The following NLGN1 variants were observed in gnomAD, a reference collection of about 807,000 sequenced individuals.
NLGN1 encodes the protein neuroligin 1.
Under a neutral mutation model 65.5 loss-of-function variants are expected in NLGN1, and 12 were observed. That is an observed-to-expected ratio of 0.18 (90% confidence interval 0.12 to 0.30). NLGN1 has a LOEUF of 0.30. Ranked by LOEUF, NLGN1 falls within the 10% of genes least tolerant of loss-of-function variation. The pLI, the probability that NLGN1 is intolerant of heterozygous loss-of-function variation, is 1.00. For synonymous variants in NLGN1, 350 were observed against 359.5 expected (o/e 0.97, Z 0.30); for missense variants, 750 against 1,007.1 (o/e 0.74, Z 3.46).
intron 3 of NLGN1, among the ~76,000 whole-genome samples, chr3:173,729,810 A>G (rs1772468916): frequency 6.6e-6 from 1 of 152,090 alleles, no homozygotes; most frequent in East Asian, 1.9e-4. Flanking sequence ...GGACCCATAC[A>G]TTGGTGGTTC....
chr3:173,859,507 G>T (rs571799197), intron 4 of NLGN1, among the ~76,000 whole-genome samples: 1 of 151,976 alleles, frequency 6.6e-6, no homozygotes, highest in Non-Finnish European at 1.5e-5. Context: ...TATTTGTAAG[G>T]GCCCTATTTC....
chr3:174,224,089 T>C (rs1225134019), intron 4 of NLGN1, among the ~76,000 whole-genome samples: 2 of 152,234 alleles, frequency 1.3e-5, no homozygotes, highest in Non-Finnish European at 2.9e-5. Flanking sequence ...GTCCATCTTC[T>C]ATACTGGTAT....
intron 3 of NLGN1, among the ~76,000 whole-genome samples, chr3:173,614,838 C>T (rs562675438): frequency 6.6e-6 from 1 of 152,188 alleles, no homozygotes; most frequent in East Asian, 1.9e-4. Flanking sequence ...TCCTTGATTT[C>T]TTTCTTCCAG....
intron 4 of NLGN1, among the ~76,000 whole-genome samples, chr3:174,080,784 T>C (rs1350120123): frequency 6.6e-6 from 1 of 152,008 alleles, no homozygotes; most frequent in African/African-American, 2.4e-5. Flanking sequence ...TTATTTGTTT[T>C]GTTTTGCTTT....
chr3:174,180,170 A>G (rs1219081205), intron 4 of NLGN1, among the ~76,000 whole-genome samples: 4 of 152,204 alleles, frequency 2.6e-5, no homozygotes, highest in Non-Finnish European at 5.9e-5. Context: ...ATTAAACACA[A>G]TACAAAAGTG....
Position 173,462,975 on chromosome 3 carries a change from C to T in NLGN1, c.-321+27897C>T, listed in dbSNP as rs191078498. On this transcript the variant is annotated intron_variant, in intron 2 of 6. Coordinates refer to ENST00000457714, the Ensembl canonical transcript of NLGN1. ...TTCAGTCACTCACTTTTTAATTCCTCACATCTTTCTTGAGGATTATTTGTA... is the reference window on the plus strand; with the variant it reads ...TTCAGTCACTCACTTTTTAATTCCTTACATCTTTCTTGAGGATTATTTGTA... Among the ~76,000 whole-genome samples the T allele has an allele frequency of 2.5e-3, 377 of 152,270 alleles. 2 individuals are homozygous for T. Among genetic ancestry groups the T allele is most frequent in the African/African-American group, 8.7e-3 (360 of 41,566 alleles).
At chr3:173,552,441 A>G (rs2149268291) in intron 2 of NLGN1, among the ~76,000 whole-genome samples, 1 of 152,188 alleles carries the variant, frequency 6.6e-6, no homozygotes, top group Non-Finnish European at 1.5e-5. Context: ...TTTCCTACAA[A>G]TTTGAGGTTG....
chr3:173,898,130 A>G (rs1052224824), intron 4 of NLGN1, among the ~76,000 whole-genome samples: 1 of 152,212 alleles, frequency 6.6e-6, no homozygotes, highest in Non-Finnish European at 1.5e-5. Context: ...TATTACTTGT[A>G]ACAATTCTAA....
At chr3:173,855,717 G>T (rs565576494) in intron 4 of NLGN1, among the ~76,000 whole-genome samples, 1 of 152,286 alleles carries the variant, frequency 6.6e-6, no homozygotes, top group South Asian at 2.1e-4. Flanking sequence ...ATTTCAAATA[G>T]TTCTGTAACT....
intron 3 of NLGN1, among the ~76,000 whole-genome samples, chr3:173,804,421 A>C (rs751934945): frequency 1.3e-5 from 2 of 152,106 alleles, no homozygotes; most frequent in Non-Finnish European, 2.9e-5. Context: ...TAAATATGTA[A>C]AGGTTTAAAG....
At chr3:173,598,227 A>T (rs1406650455) in intron 2 of NLGN1, among the ~76,000 whole-genome samples, 1 of 152,202 alleles carries the variant, frequency 6.6e-6, no homozygotes, top group Non-Finnish European at 1.5e-5. Flanking sequence ...ATTAATAAAA[A>T]CAAAGTGCTA....
intron 4 of NLGN1, among the ~76,000 whole-genome samples, chr3:173,941,296 C>T (rs1207472751): frequency 6.6e-6 from 1 of 151,996 alleles, no homozygotes; most frequent in Non-Finnish European, 1.5e-5. Context: ...TTTCACAACA[C>T]GTGACAAACA....
At chr3:173,606,803 A>C (rs1751470704) in intron 3 of NLGN1, among the ~76,000 whole-genome samples, 1 of 152,014 alleles carries the variant, frequency 6.6e-6, no homozygotes, top group South Asian at 2.1e-4. Flanking sequence ...TTAAAAGCAC[A>C]CTATACTTAA....
intron 2 of NLGN1, among the ~76,000 whole-genome samples, chr3:173,596,100 A>G (rs1749445243): frequency 1.3e-5 from 2 of 152,352 alleles, no homozygotes; most frequent in Admixed American, 6.5e-5. Context: ...TGTTATTTAA[A>G]AAAATATTTT....
At chr3:173,690,897 T>TA (rs895823010) in intron 3 of NLGN1, among the ~76,000 whole-genome samples, 1 of 151,998 alleles carries the variant, frequency 6.6e-6, no homozygotes, top group African/African-American at 2.4e-5. Context: ...GTTTTTGGAG[T>TA]ACAGGATGAA....
intron 2 of NLGN1, among the ~76,000 whole-genome samples, chr3:173,439,631 A>T (rs567500855): frequency 6.6e-6 from 1 of 151,802 alleles, no homozygotes; most frequent in African/African-American, 2.4e-5. Flanking sequence ...GAATCACACA[A>T]TTTTTTTTGT....
intron 4 of NLGN1, among the ~76,000 whole-genome samples, chr3:174,213,531 G>A (rs544166966): frequency 1.6e-4 from 25 of 152,240 alleles, no homozygotes; most frequent in African/African-American, 4.8e-4. Context: ...ACTGTTTAAT[G>A]TCCCATGTGA....
At chr3:173,597,334 G>A (rs1456724861) in intron 2 of NLGN1, among the ~76,000 whole-genome samples, 1 of 152,168 alleles carries the variant, frequency 6.6e-6, no homozygotes, top group Non-Finnish European at 1.5e-5. Flanking sequence ...AAATAAGAGG[G>A]CTTGTCTTCT....
rs1346882966 is a variant in NLGN1, at chr3:174,280,517, C to A, written c.1686C>A (p.Phe562Leu). 2 of 1,611,542 alleles carry A rather than the reference C, an allele frequency of 1.2e-6. No individual in the cohort carries two copies. The highest frequency in any genetic ancestry group is 1.7e-6 in the Non-Finnish European group (2 of 1,178,786). ...AACCAGTCCCTCAAGACACGAAATT[C>A]ATTCATACCAAACCCAACCGTTTTG... The change falls in exon 7 of 7, where the codon TTC becomes TTA. Residue 562 changes from phenylalanine to leucine, a missense_variant. Coordinates refer to ENST00000457714, the Ensembl canonical transcript of NLGN1. The surrounding 1 kb of genome is among the most constrained non-coding windows in gnomAD (Gnocchi z 4.9).
Sources: allele counts gnomAD v4.1 joint callset (sites outside exome capture counted in the v4.1 genomes callset), GRCh38; gene constraint gnomAD v4.1.1; non-coding constraint Gnocchi (gnomAD v3.1); transcripts MANE v1.5; gene names NCBI Gene and HGNC (gene_info 2026-07-23, HGNC 2026-07-21).